The following EDC3 variants were observed in gnomAD, a reference collection of about 807,000 sequenced individuals.
EDC3 encodes enhancer of mRNA-decapping protein 3.
Under a neutral mutation model 41.8 loss-of-function variants are expected in EDC3, and 20 were observed. The observed-to-expected ratio is 0.48, with a 90% CI of 0.34 to 0.70. The LOEUF is 0.70. Among genes scored for constraint, EDC3 ranks in the 30% least tolerant of loss-of-function variants. The pLI is 0.01. For missense variants in EDC3, 444 were observed against 636.8 expected (o/e 0.70, Z 3.26); for synonymous variants, 206 against 243.2 (o/e 0.85, Z 1.42).
Position 74,656,077 on chromosome 15 carries a change from A to C in EDC3, c.485-9T>G. On this transcript the variant is annotated splice_polypyrimidine_tract_variant and intron_variant, in intron 3 of 6. Coordinates refer to ENST00000315127, the MANE Select transcript of EDC3 (RefSeq NM_025083.5). ...CCTGCTACTAGATGACCCTGGAGAA[A>C]AAATAGGGACTAAAGTCAGTGTATC... 3 of 1,605,534 alleles carry C rather than the reference A, an allele frequency of 1.9e-6. No homozygotes were observed. The highest frequency in any genetic ancestry group is 2.6e-6 in the Non-Finnish European group (3 of 1,175,186).
chr15:74,646,333 A>C (rs550553353), intron 4 of EDC3, among the ~76,000 whole-genome samples: 1 of 152,296 alleles, frequency 6.6e-6, no homozygotes, highest in African/African-American at 2.4e-5. Flanking sequence ...TCGACCTCCC[A>C]AAGTGTTGGG....
intron 1 of EDC3, among the ~76,000 whole-genome samples, chr15:74,683,392 C>T (rs1309985586): frequency 6.6e-6 from 1 of 151,580 alleles, no homozygotes; most frequent in African/African-American, 2.4e-5. Context: ...AAAATTAGCC[C>T]GGCGTGGTGG....
intron 1 of EDC3, among the ~76,000 whole-genome samples, chr15:74,694,578 T>C (rs1355345182): frequency 6.6e-6 from 1 of 152,258 alleles, no homozygotes; most frequent in East Asian, 1.9e-4. Flanking sequence ...AGTGCTGGGA[T>C]TACTGGCGTG....
In EDC3 at chr15:74,646,064, GTT is replaced by G. The variant is rs11359170; in HGVS notation, c.821-5447_821-5446del. On this transcript the variant is annotated intron_variant, in intron 4 of 6. Transcript: ENST00000315127. ...GTCTTTTTGTTGTTGTTGTTGTTTT[GTT>G]TTTTTTTTTTTTTTTTGAGACAGAG... Among the ~76,000 whole-genome samples, 230 of 127,490 alleles carry G rather than the reference GTT, an allele frequency of 1.8e-3. 1 individual carries two copies. Among genetic ancestry groups the G allele is most frequent in the African/African-American group, 6.0e-3 (206 of 34,484 alleles). The allele number at this position is 127,490 out of a possible 152,430, so 83.6% of individuals were successfully genotyped here. A position where few individuals can be genotyped will look rare whatever the true frequency, so the allele number is the denominator to read the frequency against.
chr15:74,689,539 T>C (rs896837569), intron 1 of EDC3, among the ~76,000 whole-genome samples: 9 of 152,210 alleles, frequency 5.9e-5, no homozygotes, highest in Admixed American at 3.3e-4. Flanking sequence ...TTTTTTCTTT[T>C]TTTGAGACGG....
chr15:74,649,853 G>GA (rs1203788296), intron 4 of EDC3, among the ~76,000 whole-genome samples: 1 of 114,450 alleles, frequency 8.7e-6, no homozygotes, highest in African/African-American at 4.1e-5. Flanking sequence ...TTGCAGGAGG[G>GA]AAAAAAAGGG....
chr15:74,663,698 CAA>C (rs1286912414), intron 3 of EDC3, among the ~76,000 whole-genome samples: 4,870 of 66,842 alleles, frequency 0.073, 98 homozygotes, highest in Middle Eastern at 0.22. Flanking sequence ...TGTTCAGTTT[CAA>C]AAAAAAAAAA....
intron 4 of EDC3, chr15:74,643,402 G>A (rs1003027801): frequency 6.6e-6 from 1 of 152,150 alleles, no homozygotes. Flanking sequence ...TAACCAGATC[G>A]TGACAAGCAG....
chr15:74,632,520 A>C lies in EDC3; in HGVS notation c.*92T>G. On this transcript the variant is annotated 3_prime_UTR_variant, in exon 7 of 7. Coordinates refer to ENST00000315127, the MANE Select transcript of EDC3 (RefSeq NM_025083.5). This position sits in a 1 kb window ranked among gnomAD's most constrained non-coding sequence, Gnocchi z 4.0. ...AAGAAACAAACCCAAAAGAGAAAAA[A>C]CTTTAACAAGGTCCATGAAGCTTCA... 2 of 1,425,484 alleles carry C rather than the reference A, an allele frequency of 1.4e-6. No individual in the cohort carries two copies. Among genetic ancestry groups the C allele is most frequent in the Non-Finnish European group, 1.9e-6 (2 of 1,052,920 alleles). The allele number at this position is 1,425,484 out of a possible 1,614,324, so 88.3% of individuals were successfully genotyped here.
chr15:74,668,729 T>TGAAAGAAA (rs10660702), intron 3 of EDC3, among the ~76,000 whole-genome samples: 13,824 of 140,246 alleles, frequency 0.099, 832 homozygotes, highest in African/African-American at 0.13. Flanking sequence ...CAAAAATGAA[T>TGAAAGAAA]GAAAGAAAGA....
chr15:74,640,871 G>C (rs2062343103), intron 4 of EDC3: 1 of 493,900 alleles, frequency 2.0e-6, no homozygotes, highest in Non-Finnish European at 3.6e-6. Flanking sequence ...TAGCAATTTA[G>C]CTTTAGACCA....
intron 1 of EDC3, among the ~76,000 whole-genome samples, chr15:74,681,519 A>T (rs1182646319): frequency 1.3e-5 from 2 of 152,192 alleles, no homozygotes; most frequent in Admixed American, 1.3e-4. Context: ...CACAATTATG[A>T]TAATCAAGAC....
intron 3 of EDC3, among the ~76,000 whole-genome samples, chr15:74,666,664 T>A (rs2062679722): frequency 6.6e-6 from 1 of 152,128 alleles, no homozygotes; most frequent in South Asian, 2.1e-4. Context: ...GATGGTATAA[T>A]AAAAAGATCA....
intron 3 of EDC3, among the ~76,000 whole-genome samples, chr15:74,661,692 C>G (rs1208535012): frequency 6.9e-6 from 1 of 144,328 alleles, no homozygotes; most frequent in African/African-American, 2.6e-5. Context: ...GATCGCGCCA[C>G]TGCACTCCAG....
chr15:74,674,683 G>A (rs2062781211), intron 2 of EDC3, among the ~76,000 whole-genome samples: 1 of 152,108 alleles, frequency 6.6e-6, no homozygotes, highest in South Asian at 2.1e-4. Flanking sequence ...TTTAATAAAG[G>A]GGAGGCCAAG....
intron 1 of EDC3, 108 bp from the exon 2 acceptor site, chr15:74,675,250 T>G (rs1379888068): frequency 9.9e-7 from 1 of 1,008,524 alleles, no homozygotes; most frequent in Non-Finnish European, 1.4e-6. Context: ...ATAAAACATA[T>G]TCTATCACAT....
At chr15:74,647,424 T>C (rs1316847563) in intron 4 of EDC3, among the ~76,000 whole-genome samples, 1 of 152,094 alleles carries the variant, frequency 6.6e-6, no homozygotes, top group Non-Finnish European at 1.5e-5. Context: ...CAATGGGCAG[T>C]TTCATAAAAA....
chr15:74,635,711 A>T, intron 5 of EDC3, 85 bp from the exon 6 acceptor site: 1 of 1,271,026 alleles, frequency 7.9e-7, no homozygotes, highest in Non-Finnish European at 1.1e-6. Flanking sequence ...TGTAGCACCT[A>T]TTGGTCTCAG....
Position 74,671,718 on chromosome 15 carries a change from TG to T in EDC3, c.220del (p.Gln74AsnfsTer11). 1 of 1,614,188 alleles carries T rather than the reference TG, an allele frequency of 6.2e-7. No homozygotes were observed. Among genetic ancestry groups the T allele is most frequent in the Non-Finnish European group, 8.5e-7 (1 of 1,180,030 alleles). On this transcript the variant is annotated frameshift_variant, in exon 3 of 7. Transcript: ENST00000315127. LOFTEE classifies it high-confidence loss of function. The surrounding 1 kb of genome is among the most constrained non-coding windows in gnomAD (Gnocchi z 4.6). ...ILEIPGPGDN[Q>X]HFGDLHQTEL... The stretch of plus-strand genomic sequence containing the variant: ...TGTTTGATGAAGGTCTCCAAAATGT[TG>T]GTTGTCTCCAGGTCCTGGTATCTCC...
Sources: gnomAD v4.1 joint callset for allele counts (sites outside exome capture counted in the v4.1 genomes callset) on GRCh38, gnomAD v4.1.1 for gene constraint, Gnocchi (gnomAD v3.1) non-coding constraint, MANE v1.5 for transcripts, NCBI Gene and HGNC (gene_info 2026-07-23, HGNC 2026-07-21) for gene names.